LIPI: variants seen among roughly 807,000 people sequenced by gnomAD.
The protein encoded by LIPI is lipase member I.
In LIPI, 59 loss-of-function variants were observed where a neutral mutation model predicts 50.6. The ratio of observed to expected loss-of-function variants is 1.16; its 90% CI spans 0.94 to 1.45. The LOEUF (loss-of-function observed/expected upper bound fraction) is 1.45, where lower values mean the gene tolerates loss of function less well. Among genes scored for constraint, LIPI ranks in the 40% most tolerant of loss-of-function variants. The pLI, the probability that LIPI is intolerant of heterozygous loss-of-function variation, is 0.00. For missense variants in LIPI, 586 were observed against 536.3 expected (o/e 1.09, Z -0.92); for synonymous variants, 203 against 178.2 (o/e 1.14, Z -1.11).
intron 4 of LIPI, among the ~76,000 whole-genome samples, chr21:14,168,884 G>C (rs2018789769): frequency 6.6e-6 from 1 of 151,888 alleles, no homozygotes; most frequent in African/African-American, 2.4e-5. Flanking sequence ...AATGTAAATG[G>C]ACTAAATGCT....
intron 1 of LIPI, among the ~76,000 whole-genome samples, chr21:14,195,162 G>A (rs2019802086): frequency 6.6e-6 from 1 of 152,128 alleles, no homozygotes; most frequent in Non-Finnish European, 1.5e-5. Context: ...GAATTTGAAA[G>A]GCAAAGTGTC....
chr21:14,205,549 T>TCCC (rs111451491), intron 1 of LIPI, among the ~76,000 whole-genome samples: 89 of 151,748 alleles, frequency 5.9e-4, no homozygotes, highest in African/African-American at 2.1e-3. Flanking sequence ...TGCACATACC[T>TCCC]CCCCCCACAC....
At chr21:14,150,744 A>G (rs550064776) in intron 8 of LIPI, among the ~76,000 whole-genome samples, 19 of 152,338 alleles carry the variant, frequency 1.2e-4, no homozygotes, top group South Asian at 1.2e-3. Context: ...TAGAACATTC[A>G]GTGTTCAAAA....
At chr21:14,173,317 GA>G (rs909386391) in intron 4 of LIPI, among the ~76,000 whole-genome samples, 1 of 152,112 alleles carries the variant, frequency 6.6e-6, no homozygotes, top group African/African-American at 2.4e-5. Flanking sequence ...TCACTAACTG[GA>G]AAAAAATCTA....
At chr21:14,121,998 T>C (rs2016881160) in intron 9 of LIPI, among the ~76,000 whole-genome samples, 1 of 152,202 alleles carries the variant, frequency 6.6e-6, no homozygotes, top group Non-Finnish European at 1.5e-5. Context: ...TAAGTAAATG[T>C]GGATTAAATT....
At chr21:14,182,122 C>G (rs1244236054) in intron 3 of LIPI, among the ~76,000 whole-genome samples, 1 of 152,068 alleles carries the variant, frequency 6.6e-6, no homozygotes, top group Non-Finnish European at 1.5e-5. Context: ...TTCTGTGAGA[C>G]TGAATTAGGA....
intron 4 of LIPI, among the ~76,000 whole-genome samples, chr21:14,174,994 T>C (rs966276712): frequency 1.3e-5 from 2 of 152,244 alleles, no homozygotes; most frequent in African/African-American, 2.4e-5. Flanking sequence ...GTTTGTGCTA[T>C]CAATCCACAT....
chr21:14,167,242 AAGG>A (rs2018721766), intron 4 of LIPI, among the ~76,000 whole-genome samples: 3 of 152,230 alleles, frequency 2.0e-5, no homozygotes, highest in Admixed American at 2.0e-4. Flanking sequence ...ACCACAGCTC[AAGG>A]AGGCCTGCCT....
rs899387249 is a variant in LIPI at position 14,109,189 on chromosome 21, G to A, written c.1296-109C>T. 3 of 844,202 alleles carry A rather than the reference G, an allele frequency of 3.6e-6. No individual in the cohort carries two copies. The African/African-American group carries it at 5.0e-5, about 14-fold the overall frequency. The allele number at this position is 844,202 out of a possible 1,614,324, so 52.3% of individuals were successfully genotyped here. A position where few individuals can be genotyped will look rare whatever the true frequency, so the allele number is the denominator to read the frequency against. The stretch of plus-strand genomic sequence containing the variant: ...AATAGTCCATGCCTGTAACTAGCTA[G>A]TTCTCTAAATGTAGGGAGTTGGAAC... On this transcript the variant is annotated intron_variant, in intron 9 of 9. Transcript: ENST00000681601.
chr21:14,166,356 G>C lies in LIPI; in HGVS notation c.733+6C>G, dbSNP rs747646234. On this transcript the variant is annotated splice_donor_region_variant and intron_variant, in intron 5 of 9. Transcript: ENST00000681601. ...TGTAGTTCATTCAAAAATACTGTCA[G>C]TATACCTGAGAAAATTGATTTAGGA... 36 of 1,463,208 alleles carry C rather than the reference G, an allele frequency of 2.5e-5. No homozygotes were observed. The highest frequency in any genetic ancestry group is 1.0e-4 in the Admixed American group (6 of 59,824). 90.6% of individuals were successfully genotyped at this position (1,463,208 alleles called of 1,614,324 possible).
At chr21:14,118,225 C>T (rs142835240) in intron 9 of LIPI, among the ~76,000 whole-genome samples, 2,706 of 152,096 alleles carry the variant, frequency 0.018, 38 homozygotes, top group Admixed American at 0.027. Flanking sequence ...TGAGACAGAT[C>T]GGGCTCCATC....
intron 8 of LIPI, 26 bp downstream of exon 8, chr21:14,152,547 A>G (rs776064167): frequency 9.2e-7 from 1 of 1,091,202 alleles, no homozygotes; most frequent in South Asian, 1.3e-5. Flanking sequence ...AATATATGAG[A>G]GAAGAAAATA....
At chr21:14,123,437 G>A (rs1600834177) in intron 9 of LIPI, among the ~76,000 whole-genome samples, 2 of 152,124 alleles carry the variant, frequency 1.3e-5, no homozygotes, top group South Asian at 2.1e-4. Context: ...ACTATTGCCC[G>A]AGAAGTGGAC....
chr21:14,162,203 T>C (rs184019547), intron 7 of LIPI, among the ~76,000 whole-genome samples: 1 of 151,230 alleles, frequency 6.6e-6, no homozygotes, highest in South Asian at 2.1e-4. Context: ...CAGGGAACTA[T>C]GCTGAGTGAA....
At chr21:14,160,231 C>T (rs1162309496) in intron 7 of LIPI, among the ~76,000 whole-genome samples, 26 of 151,192 alleles carry the variant, frequency 1.7e-4, no homozygotes, top group African/African-American at 2.4e-5. Context: ...TTAATGCTTA[C>T]TATATAGCTA....
intron 4 of LIPI, among the ~76,000 whole-genome samples, chr21:14,170,642 A>C (rs1433147271): frequency 6.6e-6 from 1 of 152,226 alleles, no homozygotes; most frequent in Non-Finnish European, 1.5e-5. Flanking sequence ...GATGCAGAAA[A>C]GTTTTTTGAC....
intron 9 of LIPI, among the ~76,000 whole-genome samples, chr21:14,121,107 G>A (rs542296963): frequency 7.9e-5 from 12 of 152,240 alleles, no homozygotes; most frequent in African/African-American, 2.9e-4. Context: ...GACAGAAAAG[G>A]CATGAGAAAT....
chr21:14,144,587 A>T (rs759371175), intron 9 of LIPI, 36 bp downstream of exon 9: 2 of 1,163,994 alleles, frequency 1.7e-6, no homozygotes, highest in African/African-American at 1.5e-5. Flanking sequence ...CAAGTTTAAA[A>T]GATAACATGT....
At chr21:14,113,832 C>A (rs554152560) in intron 9 of LIPI, among the ~76,000 whole-genome samples, 1 of 152,288 alleles carries the variant, frequency 6.6e-6, no homozygotes, top group Admixed American at 6.5e-5. Flanking sequence ...GCAGAAGGCA[C>A]ATCTTCACAG....
Sources: allele counts gnomAD v4.1 joint callset (sites outside exome capture counted in the v4.1 genomes callset), GRCh38; gene constraint gnomAD v4.1.1; transcripts MANE v1.5; gene names NCBI Gene and HGNC (gene_info 2026-07-23, HGNC 2026-07-21).